The following POFUT3 variants were observed in gnomAD, a reference collection of about 807,000 sequenced individuals.
POFUT3 encodes the protein GDP-fucose protein O-fucosyltransferase 3.
the POFUT3 span, among the ~76,000 whole-genome samples, chr8:33,343,890 T>C: frequency 6.6e-6 from 1 of 152,236 alleles, no homozygotes; most frequent in Non-Finnish European, 1.5e-5. Flanking sequence ...TCCTCTCATA[T>C]GGCAGAAAGT....
the POFUT3 span, among the ~76,000 whole-genome samples, chr8:33,340,171 T>C: frequency 6.6e-6 from 1 of 151,986 alleles, no homozygotes; most frequent in African/African-American, 2.4e-5. Flanking sequence ...ACCAGCCAAT[T>C]GTAAAGTTCG....
the POFUT3 span, among the ~76,000 whole-genome samples, chr8:33,471,165 T>C: frequency 1.3e-5 from 2 of 152,252 alleles, no homozygotes; most frequent in African/African-American, 4.8e-5. Context: ...ATGCTGGTAA[T>C]TGAATTAGAT....
At chr8:33,403,560 T>A in the POFUT3 span, among the ~76,000 whole-genome samples, 1 of 151,722 alleles carries the variant, frequency 6.6e-6, no homozygotes, top group African/African-American at 2.4e-5. Flanking sequence ...TACAAAAAAA[T>A]TTTTGAAGTT....
chr8:33,455,165 C>T, the POFUT3 span, among the ~76,000 whole-genome samples: 1 of 152,022 alleles, frequency 6.6e-6, no homozygotes, highest in Non-Finnish European at 1.5e-5. Context: ...GTCAAAATTC[C>T]CTAGAGTCTA....
At chr8:33,379,993 A>ACTATATATATACTATATATATATAC in the POFUT3 span, among the ~76,000 whole-genome samples, 116 of 71,366 alleles carry the variant, frequency 1.6e-3, 26 homozygotes, top group African/African-American at 8.9e-3. Context: ...TATATATAGT[A>ACTATATATATACTATATATATATAC]TATATATATA....
At chr8:33,331,637 C>T in the POFUT3 span, among the ~76,000 whole-genome samples, 1 of 152,040 alleles carries the variant, frequency 6.6e-6, no homozygotes, top group South Asian at 2.1e-4. Flanking sequence ...GCCTGAGCAA[C>T]ATAGTGAGAC....
At chr8:33,347,895 T>TG in the POFUT3 span, among the ~76,000 whole-genome samples, 1 of 152,092 alleles carries the variant, frequency 6.6e-6, no homozygotes, top group Non-Finnish European at 1.5e-5. Flanking sequence ...GACAATGTAG[T>TG]GGCCAGGTGT....
the POFUT3 span, among the ~76,000 whole-genome samples, chr8:33,357,531 CAT>C: frequency 3.3e-5 from 5 of 149,988 alleles, no homozygotes; most frequent in Non-Finnish European, 5.9e-5. Context: ...TGTGTGTATA[CAT>C]ATATGTGTGT....
chr8:33,442,399 C>T, the POFUT3 span, among the ~76,000 whole-genome samples: 12 of 151,808 alleles, frequency 7.9e-5, no homozygotes, highest in South Asian at 2.3e-3. Flanking sequence ...ACCATTCTCC[C>T]GCCTCAGCCT....
At chr8:33,398,447 A>G in the POFUT3 span, among the ~76,000 whole-genome samples, 1 of 152,214 alleles carries the variant, frequency 6.6e-6, no homozygotes, top group Non-Finnish European at 1.5e-5. Context: ...GAAACTCATT[A>G]TCTCCTAATA....
chr8:33,330,904 G>A, the POFUT3 span, among the ~76,000 whole-genome samples: 1 of 152,056 alleles, frequency 6.6e-6, no homozygotes, highest in African/African-American at 2.4e-5. Flanking sequence ...TCCCAACCTG[G>A]TTGTGAAGTC....
chr8:33,469,326 A>C, the POFUT3 span, among the ~76,000 whole-genome samples: 1 of 152,272 alleles, frequency 6.6e-6, no homozygotes, highest in Non-Finnish European at 1.5e-5. Flanking sequence ...CAAAAACAAA[A>C]ACAAAAACAA....
the POFUT3 span, chr8:33,372,131 G>T: frequency 1.0e-6 from 1 of 987,208 alleles, no homozygotes; most frequent in Non-Finnish European, 1.2e-6. Flanking sequence ...ACCAACAGAT[G>T]GGATCTCTCA....
At chr8:33,386,637 C>T in the POFUT3 span, among the ~76,000 whole-genome samples, 7 of 152,046 alleles carry the variant, frequency 4.6e-5, no homozygotes, top group African/African-American at 7.2e-5. Context: ...GATGAAACCC[C>T]GTCTCTACTA....
chr8:33,444,994 T>C, the POFUT3 span, among the ~76,000 whole-genome samples: 1 of 144,174 alleles, frequency 6.9e-6, no homozygotes, highest in African/African-American at 2.6e-5. Flanking sequence ...GGTGCAATAG[T>C]GCAATCTCGA....
the POFUT3 span, among the ~76,000 whole-genome samples, chr8:33,383,263 G>A: frequency 2.0e-5 from 3 of 152,106 alleles, no homozygotes; most frequent in African/African-American, 4.8e-5. Context: ...AGATGCCTCT[G>A]TTTCCATTTC....
At chr8:33,426,966 G>T in the POFUT3 span, among the ~76,000 whole-genome samples, 1 of 152,282 alleles carries the variant, frequency 6.6e-6, no homozygotes, top group African/African-American at 2.4e-5. Context: ...AAATTATACG[G>T]TTATTCCAGA....
At chr8:33,379,979 T>TCTATATATATATACTATATATATA in the POFUT3 span, among the ~76,000 whole-genome samples, 9 of 89,722 alleles carry the variant, frequency 1.0e-4, no homozygotes, top group African/African-American at 4.7e-4. Flanking sequence ...ATATATACAC[T>TCTATATATATATACTATATATATA]CTATATATAT....
chr8:33,456,628 G>A, the POFUT3 span, among the ~76,000 whole-genome samples: 5 of 152,064 alleles, frequency 3.3e-5, no homozygotes, highest in Non-Finnish European at 7.4e-5. Flanking sequence ...AGGAAATATG[G>A]CAGAATAAAG....
Sources: gnomAD v4.1 joint callset for allele counts (sites outside exome capture counted in the v4.1 genomes callset) on GRCh38, gnomAD v4.1.1 for gene constraint, MANE v1.5 for transcripts, NCBI Gene and HGNC (gene_info 2026-07-23, HGNC 2026-07-21) for gene names.